Variants in CAPN14 observed in about 807,000 individuals in gnomAD.
The protein encoded by CAPN14 is calpain-14.
CAPN14 carries 94 observed loss-of-function variants against 101.3 expected under a neutral mutation model. That is an observed-to-expected ratio of 0.93 (90% CI 0.79 to 1.10). CAPN14 has a LOEUF of 1.10. Among genes scored for constraint, CAPN14 ranks in the 50% least tolerant of loss-of-function variants. The pLI, the probability that CAPN14 is intolerant of heterozygous loss-of-function variation, is 0.00. For missense variants in CAPN14, 837 were observed against 828.4 expected, an observed-to-expected ratio of 1.01 and a Z score of -0.13; for synonymous variants, 338 against 317.9, an observed-to-expected ratio of 1.06 and a Z score of -0.67.
intron 1 of CAPN14, among the ~76,000 whole-genome samples, chr2:31,215,848 G>GAAAAAAAAAAAAAAAAAAAAAA: frequency 7.4e-6 from 1 of 134,390 alleles, no homozygotes; most frequent in Non-Finnish European, 1.6e-5. Flanking sequence ...TCTTAAAAAA[G>GAAAAAAAAAAAAAAAAAAAAAA]AAAAAAAAAA....
At chr2:31,193,315 A>G (rs1467928952) in intron 9 of CAPN14, 21 bp from the exon 10 acceptor site, 1 of 1,550,342 alleles carries the variant, frequency 6.5e-7, no homozygotes, top group Non-Finnish European at 8.7e-7. Context: ...AAGAAGGAAA[A>G]GCACAAAGAG....
chr2:31,176,672 CTAATGTGTCTA>C (rs1197579842), intron 20 of CAPN14, 30 bp from the exon 21 acceptor site: 2 of 1,526,132 alleles, frequency 1.3e-6, no homozygotes, highest in East Asian at 4.9e-5. Flanking sequence ...AGGAATACAG[CTAATGTGTCTA>C]TTGGAAACAT....
At chr2:31,223,578 G>A (rs1179203162) in intron 2 of CAPN14, among the ~76,000 whole-genome samples, 1 of 146,220 alleles carries the variant, frequency 6.8e-6, no homozygotes, top group Non-Finnish European at 1.5e-5. Context: ...TCCCAGGCTG[G>A]AGTGCAGTGG....
intron 1 of CAPN14, among the ~76,000 whole-genome samples, chr2:31,211,466 T>C (rs534782633): frequency 5.3e-4 from 81 of 152,090 alleles, no homozygotes; most frequent in African/African-American, 1.9e-3. Flanking sequence ...AACTAGAAAA[T>C]GTATTAGGAA....
At chr2:31,191,761 C>T (rs1398987241) in intron 11 of CAPN14, among the ~76,000 whole-genome samples, 174 bp downstream of exon 11, 2 of 152,178 alleles carry the variant, frequency 1.3e-5, no homozygotes, top group Non-Finnish European at 2.9e-5. Flanking sequence ...TGGCCTAGTG[C>T]AAGAAGGTGA....
chr2:31,174,259 C>G lies in CAPN14; in HGVS notation c.*422G>C. The G allele has an allele frequency of 4.1e-6, 1 of 241,214 alleles. No homozygotes were observed. Among genetic ancestry groups the G allele is most frequent in the Non-Finnish European group, 8.0e-6 (1 of 124,636 alleles). The allele number at this position is 241,214 out of a possible 1,614,324, so 14.9% of individuals were successfully genotyped here. On this transcript the variant is annotated 3_prime_UTR_variant, in exon 22 of 22. Coordinates refer to ENST00000403897, the MANE Select transcript of CAPN14 (RefSeq NM_001145122.2). ...TAAATGTCTAAGGATATATCATTCC[C>G]ATTTCAGACCTTAAAACCTAGATGA...
intron 2 of CAPN14, among the ~76,000 whole-genome samples, chr2:31,223,237 G>A (rs1188285405): frequency 6.6e-6 from 1 of 152,192 alleles, no homozygotes; most frequent in Non-Finnish European, 1.5e-5. Flanking sequence ...AGAAAGAAAC[G>A]GAAATCTTGC....
chr2:31,202,077 C>T, intron 4 of CAPN14, 57 bp downstream of exon 4: 1 of 1,550,154 alleles, frequency 6.5e-7, no homozygotes, highest in Non-Finnish European at 8.7e-7. Context: ...ACATGGTCCT[C>T]CAGGAACCCT....
At chr2:31,225,774 A>G (rs1683004689) in intron 2 of CAPN14, among the ~76,000 whole-genome samples, 1 of 152,124 alleles carries the variant, frequency 6.6e-6, no homozygotes, top group Admixed American at 6.6e-5. Flanking sequence ...GACTGGGGGA[A>G]AAGATCAGAT....
chr2:31,224,993 G>A (rs1222642615), intron 2 of CAPN14, among the ~76,000 whole-genome samples: 2 of 151,876 alleles, frequency 1.3e-5, no homozygotes, highest in South Asian at 2.1e-4. Flanking sequence ...CCAATGATTC[G>A]GTTTTGTAGG....
intron 1 of CAPN14, among the ~76,000 whole-genome samples, chr2:31,207,282 C>G (rs568427961): frequency 6.6e-6 from 1 of 152,144 alleles, no homozygotes. Flanking sequence ...GCCTGGCATT[C>G]GCTGAGATCC....
intron 5 of CAPN14, among the ~76,000 whole-genome samples, 199 bp downstream of exon 5, chr2:31,201,663 G>A (rs778833268): frequency 6.6e-6 from 1 of 152,144 alleles, no homozygotes; most frequent in Non-Finnish European, 1.5e-5. Context: ...ATCCATTAGG[G>A]AAAGGCAAAA....
At chr2:31,197,717 G>A (rs1364364410) in intron 7 of CAPN14, among the ~76,000 whole-genome samples, 1 of 152,186 alleles carries the variant, frequency 6.6e-6, no homozygotes, top group East Asian at 1.9e-4. Context: ...TATGGATCAG[G>A]GTGGGCCCTA....
At chr2:31,204,407 A>C (rs1572423031) in intron 2 of CAPN14, among the ~76,000 whole-genome samples, 1 of 152,104 alleles carries the variant, frequency 6.6e-6, no homozygotes, top group East Asian at 1.9e-4. Flanking sequence ...TATGCTAATG[A>C]TTGACTGGTG....
At chr2:31,211,246 A>G (rs796875145) in intron 1 of CAPN14, among the ~76,000 whole-genome samples, 3 of 86,254 alleles carry the variant, frequency 3.5e-5, no homozygotes, top group South Asian at 5.4e-4. Flanking sequence ...AAAAGAGAGA[A>G]AGAGAGGGAG....
chr2:31,196,812 C>T (rs1681491834), intron 8 of CAPN14, among the ~76,000 whole-genome samples: 1 of 152,186 alleles, frequency 6.6e-6, no homozygotes, highest in Admixed American at 6.5e-5. Context: ...ACCTTTGACT[C>T]AGCAAACCCA....
chr2:31,191,827 C>G, intron 11 of CAPN14, 108 bp downstream of exon 11: 1 of 1,130,284 alleles, frequency 8.8e-7, no homozygotes, highest in Non-Finnish European at 1.2e-6. Context: ...AAACCCAGGT[C>G]TGTGAACAGA....
intron 20 of CAPN14, 113 bp downstream of exon 20, chr2:31,176,913 T>C (rs1028920673): frequency 2.8e-5 from 22 of 794,828 alleles, no homozygotes; most frequent in Non-Finnish European, 4.4e-5. Context: ...GCTTCCCTGG[T>C]CTGCTGTTTC....
At chr2:31,177,436 T>C (rs1680361018) in intron 19 of CAPN14, among the ~76,000 whole-genome samples, 1 of 152,178 alleles carries the variant, frequency 6.6e-6, no homozygotes, top group South Asian at 2.1e-4. Flanking sequence ...AGTACCTGCT[T>C]GGGAGCCCGG....
Sources: gnomAD v4.1 joint callset for allele counts (sites outside exome capture counted in the v4.1 genomes callset) on GRCh38, gnomAD v4.1.1 for gene constraint, MANE v1.5 for transcripts, NCBI Gene and HGNC (gene_info 2026-07-23, HGNC 2026-07-21) for gene names.